Variants in FREM3 observed in about 807,000 individuals in gnomAD.
FREM3 encodes FRAS1 related extracellular matrix 3.
Under a neutral mutation model 129.1 loss-of-function variants are expected in FREM3, and 105 were observed. The ratio of observed to expected loss-of-function variants is 0.81; its 90% confidence interval spans 0.69 to 0.96. The LOEUF is 0.96. Ranked by LOEUF, FREM3 falls within the 40% of genes least tolerant of loss-of-function variation. The pLI is 0.00. For synonymous variants in FREM3, 1,014 were observed against 1,044.9 expected, an observed-to-expected ratio of 0.97 and a Z score of 0.57; for missense variants, 2,593 against 2,666.3, an observed-to-expected ratio of 0.97 and a Z score of 0.61.
intron 7 of FREM3, among the ~76,000 whole-genome samples, chr4:143,581,594 GT>G (rs773976946): frequency 6.7e-4 from 102 of 152,092 alleles, no homozygotes; most frequent in Admixed American, 1.2e-3. Flanking sequence ...CACTGCAGTG[GT>G]TCTGCCAGTG....
At chr4:143,642,615 C>T (rs1326893425) in intron 2 of FREM3, among the ~76,000 whole-genome samples, 3 of 152,094 alleles carry the variant, frequency 2.0e-5, no homozygotes, top group African/African-American at 7.2e-5. Flanking sequence ...CTCTATTTCT[C>T]ATCATGTACA....
intron 7 of FREM3, 117 bp from the exon 8 acceptor site, chr4:143,577,969 C>G (rs1738069732): frequency 2.7e-6 from 3 of 1,128,270 alleles, no homozygotes; most frequent in Non-Finnish European, 3.7e-6. Flanking sequence ...CCAACACTCT[C>G]AGGATCATAT....
At chr4:143,588,099 G>C (rs1033848085) in intron 6 of FREM3, among the ~76,000 whole-genome samples, 2 of 152,142 alleles carry the variant, frequency 1.3e-5, no homozygotes, top group African/African-American at 4.8e-5. Flanking sequence ...GGCAGAGCCA[G>C]ATCCCAGTTC....
At chr4:143,671,594 T>C (rs749784286) in intron 2 of FREM3, among the ~76,000 whole-genome samples, 2 of 152,188 alleles carry the variant, frequency 1.3e-5, no homozygotes, top group African/African-American at 2.4e-5. Context: ...TGTACTAAAA[T>C]TCTCATTTTA....
At chr4:143,693,061 A>G in intron 2 of FREM3, 52 bp downstream of exon 2, 1 of 954,424 alleles carries the variant, frequency 1.0e-6, no homozygotes, top group East Asian at 2.8e-5. Context: ...TTCCAATTTT[A>G]TGTTGATTTT....
chr4:143,643,066 G>T (rs966684429), intron 2 of FREM3, among the ~76,000 whole-genome samples: 6 of 152,092 alleles, frequency 3.9e-5, no homozygotes, highest in Non-Finnish European at 8.8e-5. Flanking sequence ...ATCACAATGG[G>T]ATACCACCTC....
chr4:143,581,493 C>T (rs1464112911), intron 7 of FREM3, among the ~76,000 whole-genome samples: 4 of 152,126 alleles, frequency 2.6e-5, no homozygotes, highest in African/African-American at 9.7e-5. Flanking sequence ...AGCAGTTGCC[C>T]TGCCCCTGGC....
In FREM3 at chr4:143,699,571, G is replaced by A; in HGVS notation, c.1105C>T (p.Pro369Ser). ...QQGYVVSTDD[P>S]LGLPVSFFTQ... ...AAGAAGGAGACTGGAAGCCCTAGAG[G>A]GTCGTCGGTGCTGACCACGTAGCCC... The change falls in exon 1 of 8, where the codon CCT becomes TCT. Residue 369 changes from proline to serine, a missense_variant. Pro to Ser is a moderately conservative substitution (Grantham distance 74). Transcript: ENST00000329798. This position sits in a 1 kb window ranked among gnomAD's most constrained non-coding sequence, Gnocchi z 4.2. The A allele has an allele frequency of 6.5e-7, 1 of 1,536,124 alleles. No homozygotes were observed. Among genetic ancestry groups the A allele is most frequent in the Non-Finnish European group, 8.7e-7 (1 of 1,146,250 alleles).
rs1740637493 is a variant in FREM3, at chr4:143,699,012, G to A, written c.1664C>T (p.Thr555Ile). The A allele has an allele frequency of 1.3e-6, 2 of 1,537,218 alleles. No homozygotes were observed. The highest frequency in any genetic ancestry group is 2.0e-5 in the Admixed American group (1 of 50,990). ...MVNTNTGLSL[T>I]EGQVVQISPF... ...AGAGATCTGGACCACCTGCCCTTCA[G>A]TGAGTGAGAGTCCTGTGTTAGTATT... The change falls in exon 1 of 8, where the codon ACT becomes ATT. Residue 555 changes from threonine (T) to isoleucine (I), a missense_variant. Thr to Ile is a moderately conservative substitution (Grantham distance 89). Around this residue, in one of 2 missense-constraint regions of FREM3, gnomAD observed 2,276 missense variants for 2,267.2 expected, o/e 1.00. Transcript: ENST00000329798. The surrounding 1 kb of genome is among the most constrained non-coding windows in gnomAD (Gnocchi z 4.2).
chr4:143,697,821 A>T lies in FREM3; in HGVS notation c.2855T>A (p.Leu952Ter). 6.5e-7 allele frequency: 1 copy of T among 1,537,678 alleles called. No individual in the cohort carries two copies. The highest frequency in any genetic ancestry group is 8.7e-7 in the Non-Finnish European group (1 of 1,147,014). The change falls in exon 1 of 8, where the codon TTA becomes TAA. Residue 952 changes from leucine (L) to a stop codon, truncating the protein, a stop_gained. Coordinates refer to ENST00000329798, the MANE Select transcript of FREM3 (RefSeq NM_001168235.2). LOFTEE classifies it high-confidence loss of function. Reference protein sequence around the residue: ...SPRISLRSSSLLDVSIDVLEN... With the variant: ...SPRISLRSSS Reference sequence around the variant, plus strand: ...TAGTACGTCTATAGAAACATCCAATAATGAACTACTTCTGAGAGAGATCCT... The same window carrying T: ...TAGTACGTCTATAGAAACATCCAATTATGAACTACTTCTGAGAGAGATCCT...
intron 2 of FREM3, among the ~76,000 whole-genome samples, chr4:143,675,781 G>C (rs1006307850): frequency 1.3e-5 from 2 of 152,168 alleles, no homozygotes; most frequent in African/African-American, 4.8e-5. Flanking sequence ...AAATAAACTA[G>C]AAAATCTAGA....
chr4:143,632,670 A>G (rs752994027), intron 2 of FREM3, among the ~76,000 whole-genome samples: 6 of 152,070 alleles, frequency 3.9e-5, no homozygotes, highest in Non-Finnish European at 7.4e-5. Context: ...CCCTGTCCAT[A>G]TTTGGAGGAT....
At chr4:143,691,047 G>C (rs891425789) in intron 2 of FREM3, among the ~76,000 whole-genome samples, 1 of 152,054 alleles carries the variant, frequency 6.6e-6, no homozygotes, top group Non-Finnish European at 1.5e-5. Flanking sequence ...TTAAAGAAAT[G>C]ATTTTTTAAA....
intron 2 of FREM3, among the ~76,000 whole-genome samples, chr4:143,671,846 A>T (rs1346091095): frequency 6.6e-6 from 1 of 152,250 alleles, no homozygotes; most frequent in Non-Finnish European, 1.5e-5. Flanking sequence ...AAGTATGGGC[A>T]AGTCTACATC....
chr4:143,616,638 A>G lies in FREM3; in HGVS notation c.5779+4399T>C, dbSNP rs529218304. Among the ~76,000 whole-genome samples, 18 of 152,090 alleles carry G rather than the reference A, an allele frequency of 1.2e-4. No homozygotes were observed. In the South Asian group the frequency reaches 3.5e-3, roughly 30 times the overall value. On this transcript the variant is annotated intron_variant, in intron 5 of 7. Coordinates refer to ENST00000329798, the MANE Select transcript of FREM3 (RefSeq NM_001168235.2). ...CGTCTCTACTAAAAAAATACAAAAA[A>G]GAAAATTAGCCGGGCGTGGTGGTGG... is the stretch of plus-strand genomic sequence containing the variant.
Position 143,698,066 on chromosome 4 carries a change from C to G in FREM3, c.2610G>C (p.Arg870=). The stretch of plus-strand genomic sequence containing the variant: ...ACTGCAAGTGTCCATGTTGGGGACC[C>G]CGGACTAATATGAAGACAATTTGGT... ...DIDQIVFILV[R]GPQHGHLQYF... The change falls in exon 1 of 8, where the codon CGG becomes CGC. Residue 870 remains arginine, a synonymous_variant. Coordinates refer to ENST00000329798, the MANE Select transcript of FREM3 (RefSeq NM_001168235.2). 6.5e-7 allele frequency: 1 copy of G among 1,537,306 alleles called. No individual in the cohort carries two copies. Among genetic ancestry groups the G allele is most frequent in the Non-Finnish European group, 8.7e-7 (1 of 1,146,926 alleles).
At chr4:143,676,844 A>C (rs77265869) in intron 2 of FREM3, among the ~76,000 whole-genome samples, 148,224 of 152,046 alleles carry the variant, frequency 0.97, 72,366 homozygotes, top group Non-Finnish European at 1. Flanking sequence ...AGGGACGTGA[A>C]GGACCTCTTC....
intron 2 of FREM3, among the ~76,000 whole-genome samples, chr4:143,647,968 A>G (rs1326134281): frequency 1.1e-4 from 16 of 152,202 alleles, no homozygotes; most frequent in Admixed American, 9.8e-4. Context: ...TAGACACTCA[A>G]TGCCAACCCA....
intron 7 of FREM3, among the ~76,000 whole-genome samples, chr4:143,581,226 C>T (rs965096591): frequency 6.6e-6 from 1 of 152,166 alleles, no homozygotes; most frequent in South Asian, 2.1e-4. Context: ...GCCATCTTGT[C>T]CCCATCTGAA....
Sources: allele counts gnomAD v4.1 joint callset (sites outside exome capture counted in the v4.1 genomes callset), GRCh38; gene constraint gnomAD v4.1.1; regional missense constraint gnomAD v4.1.1; non-coding constraint Gnocchi (gnomAD v3.1); transcripts MANE v1.5; gene names NCBI Gene and HGNC (gene_info 2026-07-23, HGNC 2026-07-21).